The following TYW1 variants were observed in gnomAD, a reference collection of about 807,000 sequenced individuals.
TYW1 encodes tRNA-yW synthesizing protein 1 homolog, also known as S-adenosyl-L-methionine-dependent tRNA 4-demethylwyosine synthase TYW1.
In TYW1, 46 loss-of-function variants were observed where a neutral mutation model predicts 96.2. The ratio of observed to expected loss-of-function variants is 0.48; its 90% confidence interval spans 0.38 to 0.61. TYW1 has a LOEUF of 0.61. TYW1 is among the 20% of genes least tolerant of loss of function. The pLI, the probability that TYW1 is intolerant of heterozygous loss-of-function variation, is 0.00. For missense variants in TYW1, 684 were observed against 909.6 expected, an observed-to-expected ratio of 0.75 and a Z score of 3.19; for synonymous variants, 274 against 323.0, an observed-to-expected ratio of 0.85 and a Z score of 1.63.
rs568389942 is a variant in TYW1 at position 67,013,055 on chromosome 7, C to A, written c.376-1312C>A. ...GTGTTAAATTACTTTATGTTTAAAA[C>A]TTTTTATTGCTTTAATTTATTAGAT... On this transcript the variant is annotated intron_variant, in intron 4 of 15. Transcript: ENST00000359626. 2.4e-3 allele frequency among the ~76,000 whole-genome samples: 359 copies of A among 150,768 alleles called. 1 individual carries two copies. The highest frequency in any genetic ancestry group is 3.4e-3 in the African/African-American group (141 of 41,144).
chr7:67,156,090 G>A (rs1428119368), intron 13 of TYW1, among the ~76,000 whole-genome samples: 1 of 152,202 alleles, frequency 6.6e-6, no homozygotes, highest in Non-Finnish European at 1.5e-5. Flanking sequence ...GCACCAGTCA[G>A]TGGTGGTGGC....
chr7:67,084,013 CA>C (rs1796463051), intron 11 of TYW1, among the ~76,000 whole-genome samples: 1 of 151,980 alleles, frequency 6.6e-6, no homozygotes, highest in South Asian at 2.1e-4. Context: ...CCAACCTGGG[CA>C]AAAAGAGCGA....
At chr7:67,021,284 C>A (rs1794258566) in intron 6 of TYW1, among the ~76,000 whole-genome samples, 1 of 152,292 alleles carries the variant, frequency 6.6e-6, no homozygotes, top group Non-Finnish European at 1.5e-5. Context: ...CTTTCCAGGA[C>A]AGGCAAGATC....
intron 13 of TYW1, among the ~76,000 whole-genome samples, chr7:67,126,498 T>G (rs1242641168): frequency 6.6e-6 from 1 of 152,194 alleles, no homozygotes; most frequent in Non-Finnish European, 1.5e-5. Flanking sequence ...TTTTCTCTCA[T>G]GGGTCATGCC....
Position 67,000,785 on chromosome 7 carries a change from C to G in TYW1, c.273+1831C>G, listed in dbSNP as rs566298954. Among the ~76,000 whole-genome samples the G allele has an allele frequency of 1.6e-4, 24 of 152,234 alleles. 1 individual carries two copies. In the South Asian group the frequency reaches 3.9e-3, roughly 25 times the overall value. On this transcript the variant is annotated intron_variant, in intron 3 of 15. Coordinates refer to ENST00000359626, the MANE Select transcript of TYW1 (RefSeq NM_018264.4). ...TTCTAGGAAAAGATTTTAAGGAAGG[C>G]TAGCATGAAAATAAATTAGAGGAAA...
chr7:67,163,479 G>A (rs1366870481), intron 13 of TYW1, among the ~76,000 whole-genome samples: 1 of 152,006 alleles, frequency 6.6e-6, no homozygotes, highest in Non-Finnish European at 1.5e-5. Flanking sequence ...CACTAACCAA[G>A]TTGCCGGGTG....
At chr7:66,999,062 G>C in intron 3 of TYW1, 108 bp downstream of exon 3, 1 of 1,124,052 alleles carries the variant, frequency 8.9e-7, no homozygotes, top group African/African-American at 1.6e-5. Flanking sequence ...AACTGAATTG[G>C]TCATCTAACC....
chr7:67,080,552 A>C (rs1299575658), intron 10 of TYW1, among the ~76,000 whole-genome samples: 2 of 151,894 alleles, frequency 1.3e-5, no homozygotes, highest in South Asian at 4.2e-4. Context: ...ATTGCCCACC[A>C]CCACACCTGG....
At chr7:67,181,014 A>G (rs1342782143) in intron 13 of TYW1, among the ~76,000 whole-genome samples, 1 of 150,460 alleles carries the variant, frequency 6.6e-6, no homozygotes, top group East Asian at 1.9e-4. Context: ...TTTTTTTTTT[A>G]ATGTTAAGGA....
intron 13 of TYW1, among the ~76,000 whole-genome samples, chr7:67,154,855 T>C (rs1349641376): frequency 6.6e-6 from 1 of 152,130 alleles, no homozygotes. Context: ...GCATGTCACA[T>C]AGGCTTTCTG....
intron 12 of TYW1, 147 bp from the exon 13 acceptor site, chr7:67,117,336 T>C (rs1034250562): frequency 1.6e-5 from 13 of 810,648 alleles, no homozygotes; most frequent in Non-Finnish European, 2.3e-5. Flanking sequence ...TTAAAATCAT[T>C]AGTTCAGTCT....
chr7:67,029,434 A>ATATATATATATATATATATATATGTATAT (rs1251271240), intron 7 of TYW1, among the ~76,000 whole-genome samples: 1 of 60,410 alleles, frequency 1.7e-5, no homozygotes, highest in African/African-American at 6.1e-5. Flanking sequence ...TATATATATA[A>ATATATATATATATATATATATATGTATAT]ATAGTATTTT....
At chr7:67,143,973 A>C (rs1438146556) in intron 13 of TYW1, among the ~76,000 whole-genome samples, 1 of 152,242 alleles carries the variant, frequency 6.6e-6, no homozygotes, top group Non-Finnish European at 1.5e-5. Context: ...ACATTTTCTC[A>C]TGTTTTCCAG....
At chr7:67,053,630 T>G (rs990188397) in intron 8 of TYW1, among the ~76,000 whole-genome samples, 1 of 152,182 alleles carries the variant, frequency 6.6e-6, no homozygotes, top group Non-Finnish European at 1.5e-5. Flanking sequence ...TCCACCCGCC[T>G]TGGCCTCCCA....
chr7:67,029,434 A>ATATATATATATATATATATACATAC (rs1251271240), intron 7 of TYW1, among the ~76,000 whole-genome samples: 1 of 60,410 alleles, frequency 1.7e-5, no homozygotes, highest in Non-Finnish European at 3.4e-5. Context: ...TATATATATA[A>ATATATATATATATATATATACATAC]ATAGTATTTT....
Position 67,089,442 on chromosome 7 carries a change from A to G in TYW1, c.1384+5903A>G, listed in dbSNP as rs759962905. On this transcript the variant is annotated intron_variant, in intron 11 of 15. Coordinates refer to ENST00000359626, the MANE Select transcript of TYW1 (RefSeq NM_018264.4). Reference sequence around the variant, plus strand: ...CGCTGGGTGCGGAAGACTCCACTGCAGGTGGAAGGCGTGGCCTTGAGACAG... The same window carrying G: ...CGCTGGGTGCGGAAGACTCCACTGCGGGTGGAAGGCGTGGCCTTGAGACAG... 1,362 of 1,230,100 alleles carry G rather than the reference A, an allele frequency of 1.1e-3. 4 individuals are homozygous for G. The highest frequency in any genetic ancestry group is 1.5e-3 in the Non-Finnish European group (1,257 of 837,144). 76.2% of individuals were successfully genotyped at this position (1,230,100 alleles called of 1,614,324 possible). A position where few individuals can be genotyped will look rare whatever the true frequency, so the allele number is the denominator to read the frequency against.
intron 3 of TYW1, among the ~76,000 whole-genome samples, chr7:67,001,717 GC>G (rs1391362820): frequency 2.7e-5 from 4 of 150,624 alleles, no homozygotes; most frequent in Non-Finnish European, 5.9e-5. Flanking sequence ...ACCGCGCCCA[GC>G]CTTTATTTTT....
chr7:67,123,249 C>A (rs1024609189), intron 13 of TYW1, among the ~76,000 whole-genome samples: 1 of 152,050 alleles, frequency 6.6e-6, no homozygotes, highest in Admixed American at 6.6e-5. Context: ...AACCGTGGGA[C>A]CCCTATCCAC....
chr7:67,059,098 T>TG (rs1451232898), intron 9 of TYW1, among the ~76,000 whole-genome samples: 42 of 112,288 alleles, frequency 3.7e-4, no homozygotes, highest in Non-Finnish European at 6.0e-4. Context: ...AAGACAAAGT[T>TG]TTTTTTTTTT....
Sources: gnomAD v4.1 joint callset for allele counts (sites outside exome capture counted in the v4.1 genomes callset) on GRCh38, gnomAD v4.1.1 for gene constraint, MANE v1.5 for transcripts, NCBI Gene and HGNC (gene_info 2026-07-23, HGNC 2026-07-21) for gene names.